SPEF2: variants seen among roughly 807,000 people sequenced by gnomAD.
SPEF2 encodes sperm flagella and cilia-associated protein 2.
In SPEF2, 187 loss-of-function variants were observed where a neutral mutation model predicts 224.6. The observed-to-expected ratio is 0.83, with a 90% confidence interval of 0.74 to 0.94. The LOEUF (loss-of-function observed/expected upper bound fraction) is 0.94, where lower values mean the gene tolerates loss of function less well. SPEF2 is among the 40% of genes least tolerant of loss of function. SPEF2 has a pLI of 0.00. For missense variants in SPEF2, 2,170 were observed against 2,135.6 expected (o/e 1.02, Z -0.32); for synonymous variants, 715 against 707.3 (o/e 1.01, Z -0.17).
chr5:35,787,987 A>G (rs1346368787), intron 30 of SPEF2: 2 of 656,142 alleles, frequency 3.0e-6, no homozygotes, highest in East Asian at 5.5e-5. Context: ...AAAAATATCC[A>G]TGGCTTATAT....
At chr5:35,721,645 A>C (rs897773798) in intron 20 of SPEF2, among the ~76,000 whole-genome samples, 14 of 152,228 alleles carry the variant, frequency 9.2e-5, no homozygotes, top group African/African-American at 3.1e-4. Context: ...CACAGCTTTT[A>C]ACTTGCCTTA....
At chr5:35,770,562 C>T (rs1752691475) in intron 26 of SPEF2, among the ~76,000 whole-genome samples, 1 of 152,130 alleles carries the variant, frequency 6.6e-6, no homozygotes, top group South Asian at 2.1e-4. Flanking sequence ...CACTCTACTT[C>T]TATGCTTTGA....
intron 6 of SPEF2, among the ~76,000 whole-genome samples, chr5:35,653,086 A>T (rs756827094): frequency 6.6e-5 from 10 of 152,210 alleles, no homozygotes; most frequent in African/African-American, 9.6e-5. Flanking sequence ...ATCTTTGTAT[A>T]CATAAAAATG....
At chr5:35,712,669 C>G in intron 19 of SPEF2, 143 bp from the exon 20 acceptor site, 2 of 706,738 alleles carry the variant, frequency 2.8e-6, no homozygotes, top group South Asian at 4.1e-5. Context: ...AATTTTAACT[C>G]AAAGTAAAAA....
At chr5:35,753,852 G>C in intron 24 of SPEF2, 91 bp downstream of exon 24, 1 of 1,504,906 alleles carries the variant, frequency 6.6e-7, no homozygotes, top group South Asian at 1.2e-5. Flanking sequence ...GAATATGAGA[G>C]GTCTGTTCAG....
intron 10 of SPEF2, chr5:35,671,577 T>C: frequency 1.1e-6 from 1 of 921,578 alleles, no homozygotes; most frequent in Non-Finnish European, 1.3e-6. Flanking sequence ...TTTGACAGAC[T>C]TTACTGGTTC....
chr5:35,673,372 T>C (rs952074274), intron 10 of SPEF2, among the ~76,000 whole-genome samples: 2 of 152,202 alleles, frequency 1.3e-5, no homozygotes, highest in Non-Finnish European at 2.9e-5. Flanking sequence ...TGAGTTGCAA[T>C]TCATAGCGTT....
chr5:35,781,344 A>G (rs1461489081), intron 30 of SPEF2: 2 of 152,164 alleles, frequency 1.3e-5, no homozygotes, highest in East Asian at 3.8e-4. Flanking sequence ...TTGGTCAGGG[A>G]AAAGTCTGTG....
At position 35,628,496 on chromosome 5, in the gene SPEF2, A is replaced by G. The variant is rs759215913; in HGVS notation, c.95A>G (p.Tyr32Cys). ...TTTGCAAAGGCATTTTCCAGTGGCT[A>G]TCTACTTGGAGAAGTTCTACACAAG... ...KSFAKAFSSG[Y>C]LLGEVLHKFE... The change falls in exon 2 of 37, where the codon TAT (tyrosine) becomes TGT (cysteine). Residue 32 changes from tyrosine (Y) to cysteine (C), a missense_variant. Physicochemically the swap from Tyr to Cys is radical, Grantham distance 194. Coordinates refer to ENST00000356031, the MANE Select transcript of SPEF2 (RefSeq NM_024867.4). 6.8e-6 allele frequency: 11 copies of G among 1,614,046 alleles called. No individual in the cohort carries two copies. The highest frequency in any genetic ancestry group is 7.6e-6 in the Non-Finnish European group (9 of 1,179,976).
chr5:35,648,273 C>G (rs1747681663), intron 5 of SPEF2, among the ~76,000 whole-genome samples: 1 of 151,664 alleles, frequency 6.6e-6, no homozygotes, highest in Non-Finnish European at 1.5e-5. Flanking sequence ...ACAAAATATT[C>G]TGTACTTGGA....
chr5:35,646,936 C>A, intron 5 of SPEF2, 129 bp downstream of exon 5: 9 of 1,004,290 alleles, frequency 9.0e-6, no homozygotes, highest in Non-Finnish European at 1.0e-5. Flanking sequence ...CTTGTCCTTT[C>A]TCATTCAGAA....
intron 30 of SPEF2, among the ~76,000 whole-genome samples, chr5:35,786,835 G>A (rs1755209304): frequency 6.6e-6 from 1 of 152,124 alleles, no homozygotes; most frequent in Non-Finnish European, 1.5e-5. Context: ...TTAGCAGTCA[G>A]CCAGACATTA....
chr5:35,734,255 A>G (rs191411242), intron 21 of SPEF2, among the ~76,000 whole-genome samples: 60 of 152,318 alleles, frequency 3.9e-4, no homozygotes, highest in African/African-American at 1.3e-3. Flanking sequence ...CCCTGCAAAC[A>G]CTAGCCTGCA....
rs1754029957 is a variant in SPEF2, at chr5:35,779,454, TA to T, written c.4447+112del. ...TCAGCTCTATGGGATCATGTGGCAC[TA>T]AAACATGCCCTTGCTTTGTTCTAGT... is the stretch of plus-strand genomic sequence containing the variant. On this transcript the variant is annotated intron_variant, in intron 30 of 36. Coordinates refer to ENST00000356031, the MANE Select transcript of SPEF2 (RefSeq NM_024867.4). 10 of 760,932 alleles carry T rather than the reference TA, an allele frequency of 1.3e-5. No individual in the cohort carries two copies. In the East Asian group the frequency reaches 2.3e-4, roughly 18 times the overall value. 47.1% of individuals were successfully genotyped at this position (760,932 alleles called of 1,614,324 possible). A position where few individuals can be genotyped will look rare whatever the true frequency, so the allele number is the denominator to read the frequency against.
At chr5:35,634,317 G>A (rs1016047770) in intron 2 of SPEF2, among the ~76,000 whole-genome samples, 2 of 152,070 alleles carry the variant, frequency 1.3e-5, no homozygotes, top group African/African-American at 4.8e-5. Flanking sequence ...CTGTGACCAT[G>A]TCTTCCAGCT....
intron 8 of SPEF2, among the ~76,000 whole-genome samples, chr5:35,660,053 G>T (rs1316720602): frequency 6.6e-6 from 1 of 151,896 alleles, no homozygotes; most frequent in African/African-American, 2.4e-5. Flanking sequence ...TGCTACTATG[G>T]TATCATTGTG....
chr5:35,661,381 C>T (rs1308500035), intron 8 of SPEF2, among the ~76,000 whole-genome samples: 1 of 135,848 alleles, frequency 7.4e-6, no homozygotes, highest in Admixed American at 7.5e-5. Flanking sequence ...ATATATATAC[C>T]AAGATAAATA....
In SPEF2 at chr5:35,694,335, A is replaced by G. The variant is rs1434318454; in HGVS notation, c.1947A>G (p.Leu649=). ...FSAGPVSDEV[L]PETEGETMLS... ...CTGGTCCAGTTTCAGATGAAGTATT[A>G]CCAGAAACAGAAGGTGAAACAATGC... The change falls in exon 13 of 37, where the codon TTA becomes TTG. Residue 649 remains leucine (L), a synonymous_variant. Coordinates refer to ENST00000356031, the MANE Select transcript of SPEF2 (RefSeq NM_024867.4). 6.2e-7 allele frequency: 1 copy of G among 1,613,344 alleles called. No homozygotes were observed. Among genetic ancestry groups the G allele is most frequent in the African/African-American group, 1.3e-5 (1 of 74,914 alleles).
At chr5:35,803,046 A>G (rs1239543091) in intron 34 of SPEF2, among the ~76,000 whole-genome samples, 1 of 152,190 alleles carries the variant, frequency 6.6e-6, no homozygotes, top group African/African-American at 2.4e-5. Context: ...ACCCATCTTC[A>G]TGTCCTCTGA....
Sources: allele counts gnomAD v4.1 joint callset (sites outside exome capture counted in the v4.1 genomes callset), GRCh38; gene constraint gnomAD v4.1.1; transcripts MANE v1.5; gene names NCBI Gene and HGNC (gene_info 2026-07-23, HGNC 2026-07-21).